Variants in TMEM117 observed in about 807,000 individuals in gnomAD.
The protein encoded by TMEM117 is transmembrane protein 117.
In TMEM117, 27 loss-of-function variants were observed where a neutral mutation model predicts 52.4. That is an observed-to-expected ratio of 0.51 (90% CI 0.38 to 0.71). The LOEUF is 0.71. TMEM117 is among the 30% of genes least tolerant of loss of function. TMEM117 has a pLI of 0.00. For synonymous variants in TMEM117, 215 were observed against 206.3 expected (o/e 1.04, Z -0.36); for missense variants, 556 against 630.5 (o/e 0.88, Z 1.26).
chr12:44,257,310 CT>C (rs1950270765), intron 5 of TMEM117, among the ~76,000 whole-genome samples: 1 of 151,872 alleles, frequency 6.6e-6, no homozygotes, highest in Non-Finnish European at 1.5e-5. Flanking sequence ...TCTTCTCACC[CT>C]TTTGACACGT....
chr12:44,351,318 T>C (rs1951559038), intron 6 of TMEM117, among the ~76,000 whole-genome samples: 1 of 152,036 alleles, frequency 6.6e-6, no homozygotes, highest in Admixed American at 6.6e-5. Flanking sequence ...GTCTCTTCAC[T>C]TTGTTGATTA....
chr12:44,033,561 G>C (rs750170558), intron 3 of TMEM117, among the ~76,000 whole-genome samples: 15 of 152,134 alleles, frequency 9.9e-5, no homozygotes, highest in Non-Finnish European at 1.5e-4. Context: ...AAGCCAACAA[G>C]CTCAGCTAAC....
chr12:43,797,248 G>A, the TMEM117 span: 1 of 1,516,480 alleles, frequency 6.6e-7, no homozygotes, highest in Non-Finnish European at 8.9e-7. Context: ...ATATAGGGCT[G>A]ATACACCAAT....
intron 3 of TMEM117, among the ~76,000 whole-genome samples, chr12:44,097,320 A>G: frequency 6.6e-6 from 1 of 152,110 alleles, no homozygotes; most frequent in African/African-American, 2.4e-5. Flanking sequence ...TTCCTCAGGG[A>G]TCTAGAACTA....
intron 6 of TMEM117, among the ~76,000 whole-genome samples, chr12:44,373,045 A>G (rs1398507160): frequency 6.6e-6 from 1 of 152,268 alleles, no homozygotes; most frequent in African/African-American, 2.4e-5. Flanking sequence ...GGTTTTGTAT[A>G]TAAGTATATA....
chr12:44,342,021 T>TAA (rs1025588401), intron 6 of TMEM117, among the ~76,000 whole-genome samples: 7 of 152,032 alleles, frequency 4.6e-5, no homozygotes, highest in African/African-American at 1.7e-4. Context: ...ACCATATTCT[T>TAA]ACTTGTACTT....
chr12:44,273,596 T>C (rs904517471), intron 5 of TMEM117, among the ~76,000 whole-genome samples: 7 of 151,890 alleles, frequency 4.6e-5, no homozygotes, highest in African/African-American at 1.7e-4. Context: ...AATTCAACAA[T>C]AAATTAAAAA....
chr12:44,375,074 G>A (rs954561034), intron 6 of TMEM117, among the ~76,000 whole-genome samples: 1 of 152,014 alleles, frequency 6.6e-6, no homozygotes, highest in African/African-American at 2.4e-5. Context: ...AAAGAACAAA[G>A]GTGGCATTAG....
chr12:43,918,971 C>T (rs10785472), intron 2 of TMEM117, among the ~76,000 whole-genome samples: 26,258 of 152,078 alleles, frequency 0.17, 3,483 homozygotes, highest in African/African-American at 0.36. Context: ...TCTCCTTTAT[C>T]GGCTCTTCTT....
rs537235212 is a variant in TMEM117, at chr12:43,900,854, AAAG to A, written c.278-43351_278-43349del. Among the ~76,000 whole-genome samples the A allele has an allele frequency of 1.1e-4, 17 of 152,300 alleles. No individual in the cohort carries two copies. In the South Asian group the frequency reaches 2.9e-3, roughly 26 times the overall value. ...GAGAGAGAGAGGAAGGAAGAAAAGA[AAAG>A]AAGAGGAAGAACAATGAAAAAGGAA... On this transcript the variant is annotated intron_variant, in intron 2 of 7. Transcript: ENST00000266534.
intron 3 of TMEM117, among the ~76,000 whole-genome samples, chr12:43,967,279 C>T (rs897587453): frequency 6.6e-6 from 1 of 152,000 alleles, no homozygotes; most frequent in African/African-American, 2.4e-5. Context: ...CATGTGCCAC[C>T]ATGCCCAGCT....
At chr12:44,125,069 C>T (rs12309649) in intron 3 of TMEM117, among the ~76,000 whole-genome samples, 1,691 of 152,206 alleles carry the variant, frequency 0.011, 37 homozygotes, top group African/African-American at 0.038. Context: ...CTATTTATTA[C>T]TGCCTAAATT....
intron 5 of TMEM117, among the ~76,000 whole-genome samples, chr12:44,284,809 T>C (rs1294321220): frequency 7.2e-6 from 1 of 138,192 alleles, no homozygotes; most frequent in African/African-American, 3.4e-5. Flanking sequence ...TTCTACTAGG[T>C]ATTTTTTTTC....
At chr12:44,256,350 A>G (rs1950260485) in intron 5 of TMEM117, among the ~76,000 whole-genome samples, 1 of 151,988 alleles carries the variant, frequency 6.6e-6, no homozygotes, top group Non-Finnish European at 1.5e-5. Flanking sequence ...ACTACTTACT[A>G]TTGAATGTGG....
intron 3 of TMEM117, among the ~76,000 whole-genome samples, chr12:44,111,860 C>T (rs1948062858): frequency 8.7e-6 from 1 of 114,728 alleles, no homozygotes; most frequent in Non-Finnish European, 1.7e-5. Flanking sequence ...TTGTAGGTCA[C>T]TGAGGACTTG....
At chr12:43,806,048 C>T in the TMEM117 span, 1 of 1,518,444 alleles carries the variant, frequency 6.6e-7, no homozygotes, top group Non-Finnish European at 8.8e-7. Flanking sequence ...AGGACGCAGG[C>T]CGGCAGCGCC....
intron 3 of TMEM117, among the ~76,000 whole-genome samples, chr12:44,003,441 C>T (rs943337538): frequency 1.4e-4 from 22 of 152,190 alleles, no homozygotes; most frequent in African/African-American, 4.6e-4. Context: ...CAAATGCACA[C>T]AGGTGGAAAA....
chr12:43,879,569 A>C (rs1298356150), intron 2 of TMEM117, among the ~76,000 whole-genome samples: 1 of 152,158 alleles, frequency 6.6e-6, no homozygotes, highest in Non-Finnish European at 1.5e-5. Context: ...CCTCCTCCTA[A>C]TTCTGGGTCT....
chr12:43,849,873 T>C (rs79025951), intron 2 of TMEM117, among the ~76,000 whole-genome samples: 1 of 152,344 alleles, frequency 6.6e-6, no homozygotes, highest in East Asian at 1.9e-4. Context: ...TGTCTTCTTC[T>C]TCTGTCTCTG....
Sources: allele counts gnomAD v4.1 joint callset (sites outside exome capture counted in the v4.1 genomes callset), GRCh38; gene constraint gnomAD v4.1.1; transcripts MANE v1.5; gene names NCBI Gene and HGNC (gene_info 2026-07-23, HGNC 2026-07-21).